The following ARHGAP24 variants were observed in gnomAD, a reference collection of about 807,000 sequenced individuals.
ARHGAP24 encodes rho GTPase-activating protein 24.
In ARHGAP24, 50 loss-of-function variants were observed where a neutral mutation model predicts 76.4. The observed-to-expected ratio is 0.65, with a 90% CI of 0.52 to 0.83. The LOEUF (loss-of-function observed/expected upper bound fraction) is 0.83. Ranked by LOEUF, ARHGAP24 falls within the 40% of genes least tolerant of loss-of-function variation. The probability of loss-of-function intolerance (pLI) is 0.00; values close to 1 mark genes in which losing one functional copy is unlikely to be tolerated. For missense variants in ARHGAP24, 930 were observed against 914.2 expected (o/e 1.02, Z -0.22); for synonymous variants, 345 against 323.3 (o/e 1.07, Z -0.72).
At chr4:85,706,958 C>A (rs1175904339) in intron 2 of ARHGAP24, among the ~76,000 whole-genome samples, 2 of 151,792 alleles carry the variant, frequency 1.3e-5, no homozygotes, top group African/African-American at 4.8e-5. Flanking sequence ...CTCTGTCACC[C>A]AGCTAAAGTG....
At chr4:85,666,978 G>A (rs556608147) in intron 2 of ARHGAP24, among the ~76,000 whole-genome samples, 10 of 152,274 alleles carry the variant, frequency 6.6e-5, no homozygotes, top group African/African-American at 1.2e-4. Context: ...CAGTCTGCCC[G>A]TTCTCAGATC....
rs1484355846 is a variant in ARHGAP24 at position 85,655,786 on chromosome 4, T to TAGAGAGAG, written c.181-66098_181-66097insGAGAGAGA. ...GACTCCATATATATATATATATATA[T>TAGAGAGAG]ATATATAGAGAGAGAGAGAGAGAGA... On this transcript the variant is annotated intron_variant, in intron 2 of 9. Transcript: ENST00000395184. Among the ~76,000 whole-genome samples, 8 of 32,728 alleles carry TAGAGAGAG rather than the reference T, an allele frequency of 2.4e-4. No homozygotes were observed. In the East Asian group the frequency reaches 2.5e-3, roughly 10 times the overall value. The allele number at this position is 32,728 out of a possible 152,430, so 21.5% of individuals were successfully genotyped here.
chr4:85,833,231 G>C (rs1730084188), intron 3 of ARHGAP24, among the ~76,000 whole-genome samples: 1 of 152,108 alleles, frequency 6.6e-6, no homozygotes, highest in African/African-American at 2.4e-5. Context: ...TATGACAATG[G>C]AATGACACAC....
At chr4:85,897,231 T>C (rs6840989) in intron 3 of ARHGAP24, among the ~76,000 whole-genome samples, 8,349 of 152,148 alleles carry the variant, frequency 0.055, 599 homozygotes, top group African/African-American at 0.16. Flanking sequence ...TGAACACTGA[T>C]CTGTTGTCAA....
At chr4:85,800,603 G>T (rs189061165) in intron 3 of ARHGAP24, among the ~76,000 whole-genome samples, 27 of 152,172 alleles carry the variant, frequency 1.8e-4, no homozygotes, top group Non-Finnish European at 4.4e-5. Context: ...AGAAAAAAGA[G>T]GAGGAGGAAA....
chr4:85,841,584 T>G (rs1050172584), intron 3 of ARHGAP24, among the ~76,000 whole-genome samples: 1 of 152,210 alleles, frequency 6.6e-6, no homozygotes, highest in African/African-American at 2.4e-5. Context: ...GCACATTTGT[T>G]TATTTATTTT....
At chr4:85,941,986 T>C (rs1224433771) in intron 4 of ARHGAP24, 80 bp from the exon 5 acceptor site, 1 of 1,404,948 alleles carries the variant, frequency 7.1e-7, no homozygotes, top group Non-Finnish European at 9.9e-7. Flanking sequence ...GTTTTTCTGT[T>C]ATATTGAATT....
intron 2 of ARHGAP24, among the ~76,000 whole-genome samples, chr4:85,687,214 G>A (rs1000591108): frequency 6.6e-6 from 1 of 151,950 alleles, no homozygotes; most frequent in Non-Finnish European, 1.5e-5. Flanking sequence ...AGACTGAGGT[G>A]GTACTTGGTT....
intron 2 of ARHGAP24, among the ~76,000 whole-genome samples, chr4:85,618,302 A>G (rs1720603550): frequency 6.6e-6 from 1 of 152,114 alleles, no homozygotes; most frequent in Non-Finnish European, 1.5e-5. Flanking sequence ...TGTTGTGGCA[A>G]TTTACATTAG....
In ARHGAP24 at chr4:85,944,932, C is replaced by T. The variant is rs572852081; in HGVS notation, c.599+2659C>T. On this transcript the variant is annotated intron_variant, in intron 5 of 9. Coordinates refer to ENST00000395184, the MANE Select transcript of ARHGAP24 (RefSeq NM_001025616.3). The stretch of plus-strand genomic sequence containing the variant: ...GCACAATCTCGGCTCACCACAACCT[C>T]CACCTCCTGGGTTCAAGCGATTCTC... Among the ~76,000 whole-genome samples, 3 of 152,258 alleles carry T rather than the reference C, an allele frequency of 2.0e-5. No individual in the cohort carries two copies. The South Asian group carries it at 6.2e-4, about 32-fold the overall frequency.
intron 3 of ARHGAP24, among the ~76,000 whole-genome samples, chr4:85,842,451 G>A (rs1730652658): frequency 6.6e-6 from 1 of 152,060 alleles, no homozygotes; most frequent in Non-Finnish European, 1.5e-5. Flanking sequence ...GAAATAAACA[G>A]TGTAAAACAT....
intron 3 of ARHGAP24, among the ~76,000 whole-genome samples, chr4:85,746,960 C>T (rs1023333687): frequency 6.6e-6 from 1 of 151,994 alleles, no homozygotes; most frequent in African/African-American, 2.4e-5. Context: ...GCCTGATTGG[C>T]CTGTTTTAAT....
intron 3 of ARHGAP24, among the ~76,000 whole-genome samples, chr4:85,915,820 T>C (rs1283164641): frequency 6.6e-6 from 1 of 152,212 alleles, no homozygotes; most frequent in Non-Finnish European, 1.5e-5. Context: ...CAGTCTATCA[T>C]TGATGGGCAT....
At chr4:85,647,659 G>C (rs1721774128) in intron 2 of ARHGAP24, among the ~76,000 whole-genome samples, 1 of 152,122 alleles carries the variant, frequency 6.6e-6, no homozygotes, top group Admixed American at 6.6e-5. Context: ...CTCTACAGTA[G>C]TTGATCAGGA....
At chr4:85,726,814 T>C (rs79762098) in intron 3 of ARHGAP24, among the ~76,000 whole-genome samples, 4 of 152,200 alleles carry the variant, frequency 2.6e-5, no homozygotes, top group African/African-American at 9.6e-5. Context: ...AGCAATGTCA[T>C]TATCTTTATT....
chr4:86,000,975 G>A lies in ARHGAP24; in HGVS notation c.*253G>A, dbSNP rs1413380616. The A allele has an allele frequency of 5.8e-6, 3 of 517,914 alleles. No individual in the cohort carries two copies. Among genetic ancestry groups the A allele is most frequent in the African/African-American group, 3.8e-5 (2 of 52,600 alleles). The allele number at this position is 517,914 out of a possible 1,614,324, so 32.1% of individuals were successfully genotyped here. A position where few individuals can be genotyped will look rare whatever the true frequency, so the allele number is the denominator to read the frequency against. ...AGTTTTTCAAAAGTAAACTAAAAAT[G>A]AGAAGCATATTTCAAGAATTATTTT... On this transcript the variant is annotated 3_prime_UTR_variant, in exon 10 of 10. Transcript: ENST00000395184.
At chr4:85,874,262 A>T (rs926494542) in intron 3 of ARHGAP24, among the ~76,000 whole-genome samples, 2 of 152,132 alleles carry the variant, frequency 1.3e-5, no homozygotes, top group Non-Finnish European at 2.9e-5. Flanking sequence ...CCCCTTTGAG[A>T]TGGAGGTCTC....
intron 1 of ARHGAP24, among the ~76,000 whole-genome samples, chr4:85,562,923 T>A (rs187592067): frequency 5.9e-5 from 9 of 152,280 alleles, no homozygotes; most frequent in African/African-American, 1.7e-4. Context: ...TGACAAAAAG[T>A]TGAAGCATCT....
At chr4:85,899,598 C>T (rs1294593097) in intron 3 of ARHGAP24, among the ~76,000 whole-genome samples, 2 of 152,170 alleles carry the variant, frequency 1.3e-5, no homozygotes, top group African/African-American at 4.8e-5. Flanking sequence ...GCTCTGGAGA[C>T]AAAATATACT....
Sources: gnomAD v4.1 joint callset for allele counts (sites outside exome capture counted in the v4.1 genomes callset) on GRCh38, gnomAD v4.1.1 for gene constraint, MANE v1.5 for transcripts, NCBI Gene and HGNC (gene_info 2026-07-23, HGNC 2026-07-21) for gene names.